Variants in DNAH9 observed in about 807,000 individuals in gnomAD.
The protein encoded by DNAH9 is DNAH9 variant protein.
A neutral mutation model predicts 471.6 loss-of-function variants in DNAH9; 345 were observed. The ratio of observed to expected loss-of-function variants is 0.73; its 90% confidence interval spans 0.67 to 0.80. DNAH9 has a LOEUF of 0.80. Ranked by LOEUF, DNAH9 falls within the 30% of genes least tolerant of loss-of-function variation. DNAH9 has a pLI of 0.00. For synonymous variants in DNAH9, 2,093 were observed against 2,123.6 expected (o/e 0.99, Z 0.40); for missense variants, 5,407 against 5,609.2 (o/e 0.96, Z 1.15).
chr17:11,883,213 T>C (rs575880409), intron 55 of DNAH9: 40 of 1,000,094 alleles, frequency 4.0e-5, no homozygotes, highest in Non-Finnish European at 4.2e-5. Context: ...AAATTGGTAA[T>C]AGAGAGAACT....
chr17:11,917,040 G>T (rs1419171487), intron 61 of DNAH9, among the ~76,000 whole-genome samples: 1 of 152,196 alleles, frequency 6.6e-6, no homozygotes, highest in African/African-American at 2.4e-5. Context: ...GAAGGAGGAG[G>T]AGGGGAAGGA....
chr17:11,662,878 C>T (rs2073798268), intron 14 of DNAH9, among the ~76,000 whole-genome samples: 1 of 149,792 alleles, frequency 6.7e-6, no homozygotes, highest in African/African-American at 2.4e-5. Flanking sequence ...GCCTCAGCCT[C>T]CCAAGTAGCT....
chr17:11,670,873 T>G (rs1441790126), intron 17 of DNAH9, among the ~76,000 whole-genome samples: 1 of 152,094 alleles, frequency 6.6e-6, no homozygotes, highest in East Asian at 1.9e-4. Flanking sequence ...CTGGGTAATT[T>G]TGTACTTTTA....
At chr17:11,660,409 G>A (rs368943804) in intron 14 of DNAH9, among the ~76,000 whole-genome samples, 33 of 145,288 alleles carry the variant, frequency 2.3e-4, no homozygotes, top group Non-Finnish European at 4.3e-4. Flanking sequence ...TGCAACCTGC[G>A]CTTCCCAGGC....
intron 19 of DNAH9, among the ~76,000 whole-genome samples, chr17:11,684,723 G>T (rs2150746294): frequency 6.6e-6 from 1 of 152,310 alleles, no homozygotes; most frequent in East Asian, 1.9e-4. Flanking sequence ...ATGAATGGCT[G>T]GGAGGGCTTT....
chr17:11,834,477 C>T (rs1264685687), intron 48 of DNAH9, among the ~76,000 whole-genome samples, 161 bp from the exon 49 acceptor site: 2 of 152,162 alleles, frequency 1.3e-5, no homozygotes, highest in East Asian at 3.8e-4. Context: ...AGCCTGGTCC[C>T]ATCTGACAGC....
chr17:11,695,038 G>A (rs1326784808), intron 22 of DNAH9, among the ~76,000 whole-genome samples: 1 of 150,740 alleles, frequency 6.6e-6, no homozygotes, highest in Non-Finnish European at 1.5e-5. Context: ...ACAGGTGCAT[G>A]CCACCATGCC....
chr17:11,620,948 T>C (rs1426809954), intron 6 of DNAH9, among the ~76,000 whole-genome samples: 1 of 152,212 alleles, frequency 6.6e-6, no homozygotes, highest in Non-Finnish European at 1.5e-5. Flanking sequence ...GAAGACATGA[T>C]ACTATTTCTT....
intron 43 of DNAH9, among the ~76,000 whole-genome samples, chr17:11,798,540 G>C (rs1015720891): frequency 1.3e-5 from 2 of 148,588 alleles, no homozygotes; most frequent in African/African-American, 5.0e-5. Context: ...TAGTGTTTTT[G>C]CTATCTAGTG....
intron 59 of DNAH9, 31 bp downstream of exon 59, chr17:11,894,527 C>T: frequency 6.2e-7 from 1 of 1,602,410 alleles, no homozygotes; most frequent in Non-Finnish European, 8.5e-7. Flanking sequence ...AAAAGCCAAG[C>T]TCTCATCTCT....
rs1968790427 is a variant in DNAH9 at position 11,784,541 on chromosome 17, T to C, written c.8061+2T>C. The C allele has an allele frequency of 9.9e-6, 16 of 1,614,116 alleles. No individual in the cohort carries two copies. The highest frequency in any genetic ancestry group is 1.3e-5 in the African/African-American group (1 of 75,038). ...AGAGATTTTGCCAACATTTTCCAGG[T>C]GAGTTCATCGGCTCCGAGACACCCT... On this transcript the variant is annotated splice_donor_variant, in intron 41 of 68. Coordinates refer to ENST00000262442, the MANE Select transcript of DNAH9 (RefSeq NM_001372.4). LOFTEE classifies it high-confidence loss of function.
intron 61 of DNAH9, among the ~76,000 whole-genome samples, chr17:11,921,309 A>G (rs573341759): frequency 7.2e-5 from 11 of 151,908 alleles, no homozygotes; most frequent in Non-Finnish European, 1.5e-4. Flanking sequence ...AAAACACTAG[A>G]AAAAATGTTC....
chr17:11,849,727 C>T (rs1379110510), intron 49 of DNAH9, among the ~76,000 whole-genome samples: 1 of 152,156 alleles, frequency 6.6e-6, no homozygotes, highest in Non-Finnish European at 1.5e-5. Context: ...ATTCTCTCTC[C>T]TGAGCCCTTG....
rs558596178 is a variant in DNAH9, at chr17:11,902,793, T to G, written c.11481T>G (p.Phe3827Leu). 8 of 1,613,988 alleles carry G rather than the reference T, an allele frequency of 5.0e-6. No homozygotes were observed. The South Asian group carries it at 7.7e-5, about 16-fold the overall frequency. ...GATCTGCTAAGAGCTGGAAAAAGTT[T>G]GTGGAGTCCGAATGTCCTGAGAAAG... is the stretch of plus-strand genomic sequence containing the variant. ...IEGSAKSWKK[F>L]VESECPEKEK... Residue 3827 changes from phenylalanine (F) to leucine (L), a missense_variant, in exon 60 of 69, where the codon TTT (phenylalanine) becomes TTG (leucine). Phe to Leu is a conservative substitution (Grantham distance 22). This residue lies in a region of DNAH9 where 4,636 missense variants were observed against 4,900.3 expected (regional missense o/e 0.95). Transcript: ENST00000262442.
intron 67 of DNAH9, among the ~76,000 whole-genome samples, chr17:11,946,279 T>G (rs1023892852): frequency 3.4e-5 from 5 of 149,130 alleles, no homozygotes; most frequent in African/African-American, 1.2e-4. Context: ...CAGCTTCACA[T>G]CTTTAGAAAC....
At chr17:11,960,449 A>G (rs1223506098) in intron 67 of DNAH9, among the ~76,000 whole-genome samples, 14 of 146,734 alleles carry the variant, frequency 9.5e-5, no homozygotes, top group Non-Finnish European at 1.8e-4. Flanking sequence ...AAAAAAAAAA[A>G]AAAAAAAAAA....
chr17:11,844,572 A>AT (rs1045353478), intron 49 of DNAH9, among the ~76,000 whole-genome samples: 18 of 151,996 alleles, frequency 1.2e-4, no homozygotes, highest in Admixed American at 5.2e-4. Flanking sequence ...TGCCCGACTA[A>AT]TTTTTTGTAT....
intron 36 of DNAH9, among the ~76,000 whole-genome samples, chr17:11,766,383 A>AAC (rs537194016): frequency 2.6e-4 from 39 of 152,308 alleles, no homozygotes; most frequent in Non-Finnish European, 4.3e-4. Flanking sequence ...AGGTAGAGAA[A>AAC]ACACCAGATT....
chr17:11,863,349 C>A (rs1320218840), intron 50 of DNAH9, among the ~76,000 whole-genome samples: 1 of 152,066 alleles, frequency 6.6e-6, no homozygotes, highest in Non-Finnish European at 1.5e-5. Flanking sequence ...ATTGAACCAG[C>A]CTTGCATCCC....
Sources: gnomAD v4.1 joint callset for allele counts (sites outside exome capture counted in the v4.1 genomes callset) on GRCh38, gnomAD v4.1.1 for gene constraint, gnomAD v4.1.1 regional missense constraint, MANE v1.5 for transcripts, NCBI Gene and HGNC (gene_info 2026-07-23, HGNC 2026-07-21) for gene names.